NCOR2: variants seen among roughly 807,000 people sequenced by gnomAD.
NCOR2 encodes the protein nuclear receptor corepressor 2.
In NCOR2, 81 loss-of-function variants were observed where a neutral mutation model predicts 262.9. The ratio of observed to expected loss-of-function variants is 0.31; its 90% CI spans 0.26 to 0.37. The LOEUF is 0.37. Among genes scored for constraint, NCOR2 ranks in the 10% least tolerant of loss-of-function variants. NCOR2 has a pLI of 1.00. For synonymous variants in NCOR2, 1,659 were observed against 1,559.3 expected, an observed-to-expected ratio of 1.06 and a Z score of -1.51; for missense variants, 3,385 against 3,621.4, an observed-to-expected ratio of 0.93 and a Z score of 1.68.
rs879078088 is a variant in NCOR2, at chr12:124,349,922, T to C, written c.3844+665A>G. On this transcript the variant is annotated intron_variant, in intron 28 of 46. Coordinates refer to ENST00000405201, the Ensembl canonical transcript of NCOR2. The stretch of plus-strand genomic sequence containing the variant: ...CTCTGTGGCAGCAGGGAGTGCATTA[T>C]GTTCCTAAGCCACACGGTGCCACCT... 5.3e-5 allele frequency among the ~76,000 whole-genome samples: 8 copies of C among 152,142 alleles called. No individual in the cohort carries two copies. The South Asian group carries it at 6.2e-4, about 12-fold the overall frequency.
At chr12:124,510,026 G>GA (rs2049301890) in intron 1 of NCOR2, among the ~76,000 whole-genome samples, 3 of 152,202 alleles carry the variant, frequency 2.0e-5, no homozygotes, top group Non-Finnish European at 4.4e-5. Context: ...CGCCAGGCCA[G>GA]AAAAAAGAGG....
intron 20 of NCOR2, among the ~76,000 whole-genome samples, chr12:124,368,656 G>T (rs375277289): frequency 5.6e-4 from 85 of 152,304 alleles, no homozygotes; most frequent in African/African-American, 2.0e-3. Context: ...GGTTCCCAGG[G>T]GGTCTGGCTT....
At chr12:124,375,006 G>A (rs1281188257) in intron 18 of NCOR2, among the ~76,000 whole-genome samples, 1 of 151,854 alleles carries the variant, frequency 6.6e-6, no homozygotes, top group Non-Finnish European at 1.5e-5. Flanking sequence ...AACGCTGGCT[G>A]CATACAGGCC....
chr12:124,486,670 G>A (rs1593778157), intron 1 of NCOR2, 102 bp from the exon 4 acceptor site: 10 of 1,391,676 alleles, frequency 7.2e-6, no homozygotes, highest in Admixed American at 5.1e-5. Context: ...GCTCAGGCTC[G>A]CTCCTGCCCT....
At chr12:124,398,121 T>C (rs1193770562) in exon 16 of NCOR2, 1 of 1,614,184 alleles carries the variant, frequency 6.2e-7, no homozygotes, top group South Asian at 1.1e-5. Flanking sequence ...CCCCTCACCT[T>C]TCTTGGCTGT....
chr12:124,511,400 C>T (rs763310678), intron 1 of NCOR2, among the ~76,000 whole-genome samples: 1 of 152,244 alleles, frequency 6.6e-6, no homozygotes, highest in Non-Finnish European at 1.5e-5. Context: ...GCCAAGTAGC[C>T]TGCCCTCTCT....
At chr12:124,473,809 A>G (rs1444059594) in intron 3 of NCOR2, among the ~76,000 whole-genome samples, 1 of 151,904 alleles carries the variant, frequency 6.6e-6, no homozygotes, top group East Asian at 1.9e-4. Flanking sequence ...GCAGCATGAA[A>G]ACGGACTAAT....
exon 34 of NCOR2, chr12:124,342,045 C>G (rs1436234350): frequency 6.2e-7 from 1 of 1,611,646 alleles, no homozygotes; most frequent in East Asian, 2.2e-5. Flanking sequence ...GGGTTGGGGG[C>G]CAGGTGTCGG....
In NCOR2 at chr12:124,336,821, G is replaced by A. The variant is rs1250257132; in HGVS notation, c.6047C>T (p.Ser2016Leu). The change falls in exon 38 of 47, where the codon TCG becomes TTG. Residue 2016 changes from serine to leucine, a missense_variant. Physicochemically the swap from Ser to Leu is moderately radical, Grantham distance 145. Around this residue, in one of 5 missense-constraint regions of NCOR2, gnomAD observed 1,017 missense variants for 967.2 expected, o/e 1.05. Coordinates refer to ENST00000405201, the Ensembl canonical transcript of NCOR2. Reference sequence around the variant, plus strand: ...TTGAGTCTTTTCCCGGTGCGGGTCCGAGGCCGAGGCAGGTGGCGCCGGCGG... The same window carrying A: ...TTGAGTCTTTTCCCGGTGCGGGTCCAAGGCCGAGGCAGGTGGCGCCGGCGG... 16 of 1,613,074 alleles carry A rather than the reference G, an allele frequency of 9.9e-6. No homozygotes were observed. The highest frequency in any genetic ancestry group is 1.3e-5 in the Non-Finnish European group (15 of 1,179,730).
chr12:124,329,128 G>A (rs749976680), intron 44 of NCOR2: 1 of 470,378 alleles, frequency 2.1e-6, no homozygotes, highest in Non-Finnish European at 4.4e-6. Flanking sequence ...AAAGACTGGA[G>A]CCTGGAAAAT....
At chr12:124,547,656 A>G (rs2051581136) in intron 1 of NCOR2, among the ~76,000 whole-genome samples, 1 of 152,224 alleles carries the variant, frequency 6.6e-6, no homozygotes, top group Admixed American at 6.5e-5. Context: ...AACATGGAGT[A>G]GGTTCTCCCC....
chr12:124,369,831 C>T (rs75172814), intron 20 of NCOR2, among the ~76,000 whole-genome samples: 3 of 152,054 alleles, frequency 2.0e-5, no homozygotes, highest in Non-Finnish European at 4.4e-5. Context: ...CGGCCCTGGG[C>T]GGGGCTGCAG....
intron 19 of NCOR2, among the ~76,000 whole-genome samples, chr12:124,373,739 G>T (rs376234169): frequency 0.071 from 1,651 of 23,316 alleles, 37 homozygotes; most frequent in Non-Finnish European, 0.11. Flanking sequence ...AGGGGCCCCG[G>T]GCACAGTGGA....
rs1285166244 is a variant in NCOR2 at position 124,483,945 on chromosome 12, C to G, written c.234-172G>C. Among the ~76,000 whole-genome samples, 1 of 152,208 alleles carries G rather than the reference C, an allele frequency of 6.6e-6. No individual in the cohort carries two copies. The highest frequency in any genetic ancestry group is 1.5e-5 in the Non-Finnish European group (1 of 68,032). On this transcript the variant is annotated intron_variant, in intron 2 of 46. Coordinates refer to ENST00000405201, the Ensembl canonical transcript of NCOR2. The surrounding 1 kb of genome is among the most constrained non-coding windows in gnomAD (Gnocchi z 6.3). ...CACGGTCCCACAGCAGGGCAGGACT[C>G]CAATGCAGCGCTGCCTTCCTTCAGG...
intron 1 of NCOR2, among the ~76,000 whole-genome samples, chr12:124,532,226 C>T (rs893114149): frequency 6.6e-6 from 1 of 152,070 alleles, no homozygotes; most frequent in Admixed American, 6.5e-5. Context: ...CCCCATGCCC[C>T]CTTCTACCAT....
chr12:124,402,304 G>T, intron 14 of NCOR2, 100 bp downstream of exon 16: 2 of 1,558,302 alleles, frequency 1.3e-6, no homozygotes, highest in Non-Finnish European at 1.7e-6. Flanking sequence ...CAGGCAATTG[G>T]TGGGCACCCC....
Position 124,429,009 on chromosome 12 carries a change from C to A in NCOR2, c.1149+604G>T, listed in dbSNP as rs147473913. Among the ~76,000 whole-genome samples the A allele has an allele frequency of 8.3e-4, 127 of 152,296 alleles. 1 individual carries two copies. Among genetic ancestry groups the A allele is most frequent in the Middle Eastern group, 3.4e-3 (1 of 294 alleles). ...TCTGCTTCCTGGCCATCTGTGGGCCCCAGTGACGGCAGCCAGGGTCACCTA... is the reference window on the plus strand; with the variant it reads ...TCTGCTTCCTGGCCATCTGTGGGCCACAGTGACGGCAGCCAGGGTCACCTA... On this transcript the variant is annotated intron_variant, in intron 10 of 46. Transcript: ENST00000405201.
At chr12:124,479,508 C>T (rs546812419) in intron 3 of NCOR2, among the ~76,000 whole-genome samples, 1 of 151,670 alleles carries the variant, frequency 6.6e-6, no homozygotes, top group African/African-American at 2.4e-5. Context: ...CGCGCATACA[C>T]ACGCACATGC....
chr12:124,357,489 T>C (rs2038040810), intron 22 of NCOR2, among the ~76,000 whole-genome samples: 3 of 152,094 alleles, frequency 2.0e-5, no homozygotes, highest in Admixed American at 2.0e-4. Context: ...AGAGATGAGG[T>C]CTTGTTATGT....
Sources: gnomAD v4.1 joint callset for allele counts (sites outside exome capture counted in the v4.1 genomes callset) on GRCh38, gnomAD v4.1.1 for gene constraint, gnomAD v4.1.1 regional missense constraint, Gnocchi (gnomAD v3.1) non-coding constraint, MANE v1.5 for transcripts, NCBI Gene and HGNC (gene_info 2026-07-23, HGNC 2026-07-21) for gene names.